The following NIF3L1 variants were observed in gnomAD, a reference collection of about 807,000 sequenced individuals.
NIF3L1 encodes the protein NIF3-like protein 1.
NIF3L1 carries 26 observed loss-of-function variants against 35.0 expected under a neutral mutation model. The ratio of observed to expected loss-of-function variants is 0.74; its 90% confidence interval spans 0.54 to 1.03. The LOEUF is 1.03. NIF3L1 is among the 50% of genes least tolerant of loss of function. The pLI is 0.00. For synonymous variants in NIF3L1, 157 were observed against 178.9 expected (o/e 0.88, Z 0.98); for missense variants, 449 against 466.3 (o/e 0.96, Z 0.34).
intron 1 of NIF3L1, 28 bp from the exon 2 acceptor site, chr2:200,891,890 T>C (rs1034154911): frequency 1.5e-6 from 2 of 1,353,784 alleles, no homozygotes; most frequent in Non-Finnish European, 2.0e-6. Context: ...AGTATACCTG[T>C]GTACCATTTT....
intron 1 of NIF3L1, among the ~76,000 whole-genome samples, chr2:200,889,981 G>T (rs1206506025): frequency 6.6e-6 from 1 of 152,182 alleles, no homozygotes. Context: ...CTCAAAACCT[G>T]CATGATGGCC....
rs533710371 is a variant in NIF3L1 at position 200,903,473 on chromosome 2, T to A, written c.950-21T>A. ...GATTCCATATTTAGCATTTAAGAAT[T>A]TGCTCTTCCCTTTTTGGTAGGTGAG... On this transcript the variant is annotated intron_variant, in intron 6 of 6. Coordinates refer to ENST00000409020, the MANE Select transcript of NIF3L1 (RefSeq NM_001369441.2). The A allele has an allele frequency of 7.5e-6, 12 of 1,600,372 alleles. 1 individual carries two copies. The South Asian group carries it at 1.3e-4, about 18-fold the overall frequency.
At chr2:200,896,831 A>C (rs2040324154) in intron 4 of NIF3L1, among the ~76,000 whole-genome samples, 1 of 152,022 alleles carries the variant, frequency 6.6e-6, no homozygotes, top group Non-Finnish European at 1.5e-5. Flanking sequence ...CAATCCACCC[A>C]CCACAGCCTC....
At position 200,899,442 on chromosome 2, in the gene NIF3L1, G is replaced by C. The variant is rs777378067; in HGVS notation, c.923G>C (p.Gly308Ala). 3.3e-5 allele frequency: 54 copies of C among 1,613,954 alleles called. No homozygotes were observed. The highest frequency in any genetic ancestry group is 2.0e-5 in the Non-Finnish European group (24 of 1,179,982). Reference sequence around the variant, plus strand: ...GGTTCTGGGAGCAGCGTTCTGCAGGGTGTTGAGGCTGACCTTTACCTCACA... The same window carrying C: ...GGTTCTGGGAGCAGCGTTCTGCAGGCTGTTGAGGCTGACCTTTACCTCACA... ...CAGSGSSVLQGVEADLYLTGE... is the reference protein window; with the variant it reads ...CAGSGSSVLQAVEADLYLTGE... The change falls in exon 6 of 7, where the codon GGT becomes GCT. Residue 308 changes from glycine to alanine, a missense_variant. By Grantham distance (60) the Gly-to-Ala change is moderately conservative. Coordinates refer to ENST00000409020, the MANE Select transcript of NIF3L1 (RefSeq NM_001369441.2).
intron 3 of NIF3L1, among the ~76,000 whole-genome samples, chr2:200,894,930 A>G (rs902258293): frequency 6.6e-6 from 1 of 152,024 alleles, no homozygotes; most frequent in Admixed American, 6.6e-5. Flanking sequence ...CAGTGGTTTC[A>G]AAGTGAGGTC....
chr2:200,903,841 G>T lies in NIF3L1; in HGVS notation c.*163G>T. ...CACCAAATGTTCTATCGCTCGTAAG[G>T]TAAAACTGTAATATAACTACCATAT... On this transcript the variant is annotated 3_prime_UTR_variant, in exon 7 of 7. Transcript: ENST00000409020. 1 of 641,354 alleles carries T rather than the reference G, an allele frequency of 1.6e-6. No individual in the cohort carries two copies. The allele number at this position is 641,354 out of a possible 1,614,324, so 39.7% of individuals were successfully genotyped here. A position where few individuals can be genotyped will look rare whatever the true frequency, so the allele number is the denominator to read the frequency against.
intron 1 of NIF3L1, 187 bp from the exon 2 acceptor site, chr2:200,891,731 C>T (rs1039836356): frequency 1.2e-5 from 7 of 579,914 alleles, no homozygotes; most frequent in African/African-American, 1.9e-5. Context: ...ATCTCTGTTT[C>T]GTAGGTGAGA....
intron 5 of NIF3L1, among the ~76,000 whole-genome samples, chr2:200,897,681 A>G (rs1443442565): frequency 6.6e-6 from 1 of 152,256 alleles, no homozygotes; most frequent in Non-Finnish European, 1.5e-5. Context: ...CTTTGCACTT[A>G]TAAGACTGGT....
Position 200,893,338 on chromosome 2 carries a change from C to G in NIF3L1, c.529C>G (p.Gln177Glu). 1.2e-6 allele frequency: 2 copies of G among 1,613,654 alleles called. No individual in the cohort carries two copies. The highest frequency in any genetic ancestry group is 1.7e-6 in the Non-Finnish European group (2 of 1,179,768). ...HRVEFNVNYT[Q>E]DLDKVMSAVK... Reference sequence around the variant, plus strand: ...AGTAGAATTCAACGTTAACTACACCCAAGACCTGGACAAAGTCATGTCTGC... The same window carrying G: ...AGTAGAATTCAACGTTAACTACACCGAAGACCTGGACAAAGTCATGTCTGC... Residue 177 changes from glutamine (Q) to glutamate (E), a missense_variant, in exon 3 of 7, where the codon CAA becomes GAA. Gln to Glu is a conservative substitution (Grantham distance 29, BLOSUM62 2). Transcript: ENST00000409020.
chr2:200,899,494 G>A, intron 6 of NIF3L1, 26 bp downstream of exon 6: 2 of 1,602,248 alleles, frequency 1.2e-6, no homozygotes, highest in South Asian at 1.1e-5. Flanking sequence ...GATCTCTCTT[G>A]GTTTATTTTT....
intron 5 of NIF3L1, among the ~76,000 whole-genome samples, chr2:200,898,099 C>T (rs2040348153): frequency 6.6e-6 from 1 of 152,162 alleles, no homozygotes; most frequent in African/African-American, 2.4e-5. Flanking sequence ...GTATAAAGTG[C>T]TAGCTGTTGT....
Position 200,892,289 on chromosome 2 carries a change from G to A in NIF3L1, c.346G>A (p.Ala116Thr), listed in dbSNP as rs756816524. Reference sequence around the variant, plus strand: ...ATGGAAGGAGCGCCTGGTGATCCGGGCTCTGGAGAACAGAGTCGGTATCTA... The same window carrying A: ...ATGGAAGGAGCGCCTGGTGATCCGGACTCTGGAGAACAGAGTCGGTATCTA... ...NTWKERLVIR[A>T]LENRVGIYSP... The change falls in exon 2 of 7, where the codon GCT (alanine) becomes ACT (threonine). Residue 116 changes from alanine to threonine, a missense_variant. Transcript: ENST00000409020. The A allele has an allele frequency of 6.2e-7, 1 of 1,614,020 alleles. No homozygotes were observed. Among genetic ancestry groups the A allele is most frequent in the Non-Finnish European group, 8.5e-7 (1 of 1,180,024 alleles).
chr2:200,902,972 G>A (rs2040432836), intron 6 of NIF3L1, among the ~76,000 whole-genome samples: 1 of 152,096 alleles, frequency 6.6e-6, no homozygotes, highest in Non-Finnish European at 1.5e-5. Context: ...GTCTGCTAAG[G>A]AAAAAGAAGT....
rs1341183588 is a variant in NIF3L1, at chr2:200,889,416, C to T, written c.-263C>T. On this transcript the variant is annotated 5_prime_UTR_variant, in exon 1 of 7. Coordinates refer to ENST00000409020, the MANE Select transcript of NIF3L1 (RefSeq NM_001369441.2). The stretch of plus-strand genomic sequence containing the variant: ...GGTGAGTAGTGGGCGATTTAAAAAC[C>T]CGCGAGTGTAGTTGTGACCTTCGCG... 4.2e-6 allele frequency: 1 copy of T among 239,556 alleles called. No homozygotes were observed. Among genetic ancestry groups the T allele is most frequent in the African/African-American group, 2.3e-5 (1 of 44,144 alleles). The allele number at this position is 239,556 out of a possible 1,614,324, so 14.8% of individuals were successfully genotyped here. A position where few individuals can be genotyped will look rare whatever the true frequency, so the allele number is the denominator to read the frequency against.
chr2:200,903,451 T>C (rs749460522), intron 6 of NIF3L1, 43 bp from the exon 7 acceptor site: 1 of 1,515,632 alleles, frequency 6.6e-7, no homozygotes, highest in Non-Finnish European at 9.2e-7. Flanking sequence ...TTCCACAGAT[T>C]CCATATTTAG....
At chr2:200,893,218 TC>T (rs771566053) in intron 2 of NIF3L1, 27 bp from the exon 3 acceptor site, 5 of 1,465,422 alleles carry the variant, frequency 3.4e-6, no homozygotes, top group Non-Finnish European at 4.5e-6. Context: ...CCCCCAAAAC[TC>T]CCATTTTCCC....
chr2:200,903,561 C>T lies in NIF3L1; in HGVS notation c.1017C>T (p.His339=). 3 of 1,614,002 alleles carry T rather than the reference C, an allele frequency of 1.9e-6. No individual in the cohort carries two copies. The highest frequency in any genetic ancestry group is 1.6e-4 in the Middle Eastern group (1 of 6,062). Residue 339 remains histidine (H), a synonymous_variant, in exon 7 of 7, where the codon CAC becomes CAT. Coordinates refer to ENST00000409020, the MANE Select transcript of NIF3L1 (RefSeq NM_001369441.2). The part of the protein sequence containing the change: ...SQGINVILCE[H]SNTERGFLSD... ...GAATAAATGTCATCCTCTGTGAACA[C>T]AGCAACACTGAACGAGGCTTTCTTT...
At position 200,903,847 on chromosome 2, in the gene NIF3L1, CTG is replaced by C. The variant is rs1434548631; in HGVS notation, c.*171_*172del. 6.3e-6 allele frequency: 4 copies of C among 633,750 alleles called. No homozygotes were observed. Among genetic ancestry groups the C allele is most frequent in the Non-Finnish European group, 1.1e-5 (4 of 350,570 alleles). The allele number at this position is 633,750 out of a possible 1,614,324, so 39.3% of individuals were successfully genotyped here. ...ATGTTCTATCGCTCGTAAGGTAAAA[CTG>C]TAATATAACTACCATATTAAATAAC... is the stretch of plus-strand genomic sequence containing the variant. On this transcript the variant is annotated 3_prime_UTR_variant, in exon 7 of 7. Transcript: ENST00000409020.
At chr2:200,898,567 T>G (rs2040356769) in intron 5 of NIF3L1, among the ~76,000 whole-genome samples, 1 of 152,136 alleles carries the variant, frequency 6.6e-6, no homozygotes, top group African/African-American at 2.4e-5. Flanking sequence ...TCCAGTTAGA[T>G]CAAACAACCC....
Sources: allele counts gnomAD v4.1 joint callset (sites outside exome capture counted in the v4.1 genomes callset), GRCh38; gene constraint gnomAD v4.1.1; transcripts MANE v1.5; gene names NCBI Gene and HGNC (gene_info 2026-07-23, HGNC 2026-07-21).